Variants in DNAI4 observed in about 807,000 individuals in gnomAD.
The protein encoded by DNAI4 is dynein axonemal intermediate chain 4.
Under a neutral mutation model 105.8 loss-of-function variants are expected in DNAI4, and 85 were observed. The ratio of observed to expected loss-of-function variants is 0.80; its 90% confidence interval spans 0.67 to 0.96. The LOEUF (loss-of-function observed/expected upper bound fraction) is 0.96. Ranked by LOEUF, DNAI4 falls within the 40% of genes least tolerant of loss-of-function variation. The probability of loss-of-function intolerance (pLI) is 0.00; values close to 1 mark genes in which losing one functional copy is unlikely to be tolerated. For synonymous variants in DNAI4, 352 were observed against 331.5 expected (o/e 1.06, Z -0.67); for missense variants, 1,014 against 1,005.6 (o/e 1.01, Z -0.11).
Position 66,850,609 on chromosome 1 carries a change from G to A in DNAI4, c.1097-2931C>T, listed in dbSNP as rs372514024. ...TTCTTCATTACGATTGACAGTTAAA[G>A]CAAAAATTATTACATTGTCTGATAT... On this transcript the variant is annotated intron_variant, in intron 7 of 16. Coordinates refer to ENST00000371026, the MANE Select transcript of DNAI4 (RefSeq NM_024763.5). 4.6e-5 allele frequency among the ~76,000 whole-genome samples: 7 copies of A among 151,898 alleles called. No individual in the cohort carries two copies. In the East Asian group the frequency reaches 1.4e-3, roughly 29 times the overall value.
In DNAI4 at chr1:66,924,807, C is replaced by T. The variant is rs765827222; in HGVS notation, c.25G>A (p.Ala9Thr). 2.7e-5 allele frequency: 43 copies of T among 1,613,968 alleles called. No homozygotes were observed. Among genetic ancestry groups the T allele is most frequent in the Admixed American group, 1.5e-4 (9 of 59,996 alleles). Residue 9 changes from alanine to threonine, a missense_variant, in exon 1 of 17, where the codon GCC (alanine) becomes ACC (threonine). By Grantham distance (58) the Ala-to-Thr change is moderately conservative. Transcript: ENST00000371026. ...CCTCCGTTAGCGGCTCGGGCCGAGG[C>T]TCCGGAATGTTTGCCGGGCGTCATG... is the stretch of plus-strand genomic sequence containing the variant. MTPGKHSGASARAANGGAW... is the reference protein window; with the variant it reads MTPGKHSGTSARAANGGAW...
At chr1:66,831,758 G>A (rs1450833559) in intron 13 of DNAI4, among the ~76,000 whole-genome samples, 3 of 152,152 alleles carry the variant, frequency 2.0e-5, no homozygotes, top group African/African-American at 7.2e-5. Flanking sequence ...TCACTGTACT[G>A]GAGGTTGTAA....
chr1:66,913,464 C>T (rs1649810610), intron 1 of DNAI4, among the ~76,000 whole-genome samples: 1 of 152,190 alleles, frequency 6.6e-6, no homozygotes, highest in Non-Finnish European at 1.5e-5. Context: ...TGAGTTTTCT[C>T]AGCTCCAAAG....
intron 2 of DNAI4, 92 bp downstream of exon 2, chr1:66,905,109 A>G (rs1447571109): frequency 9.8e-7 from 1 of 1,017,050 alleles, no homozygotes; most frequent in African/African-American, 1.6e-5. Flanking sequence ...ATGAGTGATT[A>G]TCTGAAAGCA....
chr1:66,837,647 T>C (rs775244859), intron 10 of DNAI4, 63 bp downstream of exon 10: 15 of 1,469,614 alleles, frequency 1.0e-5, no homozygotes, highest in African/African-American at 2.9e-5. Flanking sequence ...CATGTAATTA[T>C]ATATTTTATG....
At chr1:66,859,383 A>C (rs1646576572) in intron 7 of DNAI4, among the ~76,000 whole-genome samples, 1 of 152,184 alleles carries the variant, frequency 6.6e-6, no homozygotes, top group Non-Finnish European at 1.5e-5. Flanking sequence ...TTTGGAAGAC[A>C]GTTGGTAGTT....
intron 13 of DNAI4, among the ~76,000 whole-genome samples, chr1:66,831,428 G>T (rs1260047772): frequency 6.6e-6 from 1 of 151,874 alleles, no homozygotes; most frequent in Admixed American, 6.6e-5. Flanking sequence ...ATATTAAAAG[G>T]GTAGTAAACA....
At position 66,813,000 on chromosome 1, in the gene DNAI4, A is replaced by C. The variant is rs1414849833; in HGVS notation, c.*1130T>G. 4 of 152,352 alleles carry C rather than the reference A, an allele frequency of 2.6e-5. No individual in the cohort carries two copies. Among genetic ancestry groups the C allele is most frequent in the African/African-American group, 9.6e-5 (4 of 41,456 alleles). The allele number at this position is 152,352 out of a possible 1,614,324, so 9.4% of individuals were successfully genotyped here. On this transcript the variant is annotated 3_prime_UTR_variant, in exon 17 of 17. Coordinates refer to ENST00000371026, the MANE Select transcript of DNAI4 (RefSeq NM_024763.5). ...AATGACATACCAGTGGAAAATTTAT[A>C]ATCCTAATAACCTGACCTAGGCTCT...
At chr1:66,857,629 G>A (rs964802243) in intron 7 of DNAI4, among the ~76,000 whole-genome samples, 1 of 151,142 alleles carries the variant, frequency 6.6e-6, no homozygotes, top group Non-Finnish European at 1.5e-5. Flanking sequence ...CTGCCTCCCA[G>A]GTTCAAGCGA....
In DNAI4 at chr1:66,894,980, T is replaced by C. The variant is rs192918175; in HGVS notation, c.346-1567A>G. On this transcript the variant is annotated intron_variant, in intron 2 of 16. Coordinates refer to ENST00000371026, the MANE Select transcript of DNAI4 (RefSeq NM_024763.5). ...ATTTTGATTAAAATTGCAAAGAATC[T>C]ATAAATCAAAATTTAGGATAATCTT... Among the ~76,000 whole-genome samples, 459 of 152,320 alleles carry C rather than the reference T, an allele frequency of 3.0e-3. 4 individuals carry two copies. Among genetic ancestry groups the C allele is most frequent in the African/African-American group, 0.011 (441 of 41,568 alleles).
chr1:66,895,363 G>A (rs767947973), intron 2 of DNAI4, among the ~76,000 whole-genome samples: 1 of 152,152 alleles, frequency 6.6e-6, no homozygotes, highest in Non-Finnish European at 1.5e-5. Context: ...CGCCACATGG[G>A]AGGCTAAGGC....
At chr1:66,830,790 T>A (rs472009) in intron 13 of DNAI4, among the ~76,000 whole-genome samples, 67,446 of 148,184 alleles carry the variant, frequency 0.46, 15,598 homozygotes, top group East Asian at 0.64. Flanking sequence ...CAAAAAAAAA[T>A]AAATAAATAA....
At chr1:66,822,616 A>G in intron 15 of DNAI4, 99 bp from the exon 16 acceptor site, 1 of 1,096,924 alleles carries the variant, frequency 9.1e-7, no homozygotes, top group Non-Finnish European at 1.2e-6. Context: ...TAAATGTAAC[A>G]AAAACCATAA....
Position 66,892,999 on chromosome 1 carries a change from G to GAAAGAA in DNAI4, c.530+229_530+230insTTCTTT, listed in dbSNP as rs747069069. 5.8e-4 allele frequency among the ~76,000 whole-genome samples: 41 copies of GAAAGAA among 70,270 alleles called. 1 individual carries two copies. The highest frequency in any genetic ancestry group is 2.5e-3 in the Admixed American group (18 of 7,112). The allele number at this position is 70,270 out of a possible 152,430, so 46.1% of individuals were successfully genotyped here. A position where few individuals can be genotyped will look rare whatever the true frequency, so the allele number is the denominator to read the frequency against. Reference sequence around the variant, plus strand: ...AAAGAAAGAAAGAAAGAAAGAAAGAGAGAAAGAGAGAGAGGAAAGAAAGAA... The same window carrying GAAAGAA: ...AAAGAAAGAAAGAAAGAAAGAAAGAGAAAGAAAGAAAGAGAGAGAGGAAAGAAAGAA... On this transcript the variant is annotated intron_variant, in intron 3 of 16. Coordinates refer to ENST00000371026, the MANE Select transcript of DNAI4 (RefSeq NM_024763.5).
At chr1:66,910,726 A>G (rs932956286) in intron 1 of DNAI4, among the ~76,000 whole-genome samples, 2 of 152,214 alleles carry the variant, frequency 1.3e-5, no homozygotes, top group African/African-American at 4.8e-5. Context: ...CTAACATAGT[A>G]TATCTTTAAC....
In DNAI4 at chr1:66,831,296, C is replaced by T. The variant is rs570483060; in HGVS notation, c.2013+2289G>A. 1.1e-4 allele frequency among the ~76,000 whole-genome samples: 17 copies of T among 152,140 alleles called. 1 individual carries two copies. The East Asian group carries it at 1.5e-3, about 14-fold the overall frequency. ...AAAATTCTTTCTAAAAGGAATTCTACGCAGGCATGATTACCCTGATAGTAA... is the reference window on the plus strand; with the variant it reads ...AAAATTCTTTCTAAAAGGAATTCTATGCAGGCATGATTACCCTGATAGTAA... On this transcript the variant is annotated intron_variant, in intron 13 of 16. Transcript: ENST00000371026.
chr1:66,897,998 C>A (rs1648473521), intron 2 of DNAI4, among the ~76,000 whole-genome samples: 1 of 152,106 alleles, frequency 6.6e-6, no homozygotes, highest in African/African-American at 2.4e-5. Context: ...GTAGACTGAC[C>A]CCAGCAAAGT....
intron 1 of DNAI4, among the ~76,000 whole-genome samples, chr1:66,906,376 G>A (rs1045534228): frequency 6.6e-6 from 1 of 152,096 alleles, no homozygotes; most frequent in Admixed American, 6.6e-5. Flanking sequence ...AAATGGGGAT[G>A]AGCCTCCCTG....
rs1326850020 is a variant in DNAI4 at position 66,924,591 on chromosome 1, G to C, written c.170+71C>G. ...GGGCCCCTTTCCAAATCCAGAAATGGTATCTATTAATAGAAGGGCTCCCTC... is the reference window on the plus strand; with the variant it reads ...GGGCCCCTTTCCAAATCCAGAAATGCTATCTATTAATAGAAGGGCTCCCTC... On this transcript the variant is annotated intron_variant, in intron 1 of 16. Transcript: ENST00000371026. 4 of 1,606,060 alleles carry C rather than the reference G, an allele frequency of 2.5e-6. No individual in the cohort carries two copies. In the African/African-American group the frequency reaches 4.0e-5, roughly 16 times the overall value.
Sources: allele counts gnomAD v4.1 joint callset (sites outside exome capture counted in the v4.1 genomes callset), GRCh38; gene constraint gnomAD v4.1.1; transcripts MANE v1.5; gene names NCBI Gene and HGNC (gene_info 2026-07-23, HGNC 2026-07-21).